The following ATG10 variants were observed in gnomAD, a reference collection of about 807,000 sequenced individuals.
ATG10 encodes the protein autophagy related 10.
Under a neutral mutation model 32.1 loss-of-function variants are expected in ATG10, and 30 were observed. That is an observed-to-expected ratio of 0.94 (90% CI 0.70 to 1.27). The LOEUF is 1.27. ATG10 is among the 50% of genes most tolerant of loss of function. The pLI is 0.00. For missense variants in ATG10, 233 were observed against 262.3 expected (o/e 0.89, Z 0.77); for synonymous variants, 87 against 91.5 (o/e 0.95, Z 0.28).
chr5:82,124,343 A>G (rs1163482488), intron 3 of ATG10, among the ~76,000 whole-genome samples: 1 of 150,754 alleles, frequency 6.6e-6, no homozygotes, highest in Non-Finnish European at 1.5e-5. Context: ...ATACATGTGC[A>G]GAACGTGCAG....
intron 1 of ATG10, among the ~76,000 whole-genome samples, chr5:81,975,493 C>A (rs146791955): frequency 1.0e-3 from 158 of 152,208 alleles, no homozygotes; most frequent in African/African-American, 3.7e-3. Context: ...CCAGCCTTGG[C>A]AACATTGCAA....
At chr5:82,154,454 C>A (rs1767733033) in intron 3 of ATG10, among the ~76,000 whole-genome samples, 1 of 152,126 alleles carries the variant, frequency 6.6e-6, no homozygotes, top group Admixed American at 6.5e-5. Flanking sequence ...TATACATTAT[C>A]TCATTTAATC....
chr5:82,225,752 C>T (rs1359677765), intron 5 of ATG10, among the ~76,000 whole-genome samples: 2 of 152,096 alleles, frequency 1.3e-5, no homozygotes, highest in Non-Finnish European at 2.9e-5. Context: ...GGATGGCTCT[C>T]TGGCGGTCTC....
chr5:82,159,240 G>T (rs1258682980), intron 3 of ATG10, among the ~76,000 whole-genome samples: 1 of 152,140 alleles, frequency 6.6e-6, no homozygotes, highest in Non-Finnish European at 1.5e-5. Flanking sequence ...ATCCCAGGAA[G>T]GTGGGATGGC....
chr5:82,034,690 A>G (rs2149719691), intron 2 of ATG10, among the ~76,000 whole-genome samples: 1 of 151,798 alleles, frequency 6.6e-6, no homozygotes, highest in Middle Eastern at 3.4e-3. Context: ...AGCCATCCTA[A>G]TATCCCTGCT....
intron 5 of ATG10, among the ~76,000 whole-genome samples, chr5:82,230,866 A>T (rs1469573234): frequency 6.6e-6 from 1 of 151,878 alleles, no homozygotes; most frequent in South Asian, 2.1e-4. Context: ...TATAAGGACT[A>T]TGTAAAATAT....
intron 4 of ATG10, among the ~76,000 whole-genome samples, chr5:82,168,027 A>G (rs1743649482): frequency 6.6e-6 from 1 of 152,192 alleles, no homozygotes. Flanking sequence ...ATAGTTTAGT[A>G]AATCCACTCC....
At chr5:82,083,681 C>A (rs1403903175) in intron 3 of ATG10, among the ~76,000 whole-genome samples, 1 of 152,216 alleles carries the variant, frequency 6.6e-6, no homozygotes, top group Non-Finnish European at 1.5e-5. Context: ...GCAATATTTG[C>A]TGTTCTGCAG....
intron 5 of ATG10, among the ~76,000 whole-genome samples, chr5:82,246,675 A>C (rs953330796): frequency 1.3e-5 from 2 of 152,024 alleles, no homozygotes; most frequent in African/African-American, 4.8e-5. Flanking sequence ...AGTGTTCATG[A>C]TTTTTGCTTA....
At chr5:82,119,984 T>TTGTGTGTGTGTG (rs5869106) in intron 3 of ATG10, among the ~76,000 whole-genome samples, 1 of 148,200 alleles carries the variant, frequency 6.7e-6, no homozygotes, top group Non-Finnish European at 1.5e-5. Context: ...CCACCATTTA[T>TTGTGTGTGTGTG]TGTGTGTGTG....
chr5:82,161,776 A>T (rs957803432), intron 3 of ATG10, among the ~76,000 whole-genome samples: 1 of 151,376 alleles, frequency 6.6e-6, no homozygotes, highest in South Asian at 2.1e-4. Context: ...AAGATGAACT[A>T]TTGAAATCAT....
intron 3 of ATG10, among the ~76,000 whole-genome samples, chr5:82,089,142 G>A (rs934928813): frequency 5.9e-5 from 9 of 151,928 alleles, no homozygotes; most frequent in Non-Finnish European, 1.0e-4. Flanking sequence ...ACCTTAGGTC[G>A]GGAGTTCGAG....
intron 2 of ATG10, among the ~76,000 whole-genome samples, chr5:82,002,953 G>A (rs1466236742): frequency 6.6e-6 from 1 of 151,986 alleles, no homozygotes; most frequent in African/African-American, 2.4e-5. Context: ...TCAAAAAAAC[G>A]AGAAAAAAAT....
At chr5:82,159,405 G>A (rs904000012) in intron 3 of ATG10, among the ~76,000 whole-genome samples, 1 of 152,138 alleles carries the variant, frequency 6.6e-6, no homozygotes, top group Non-Finnish European at 1.5e-5. Context: ...GAGCTAGGTG[G>A]CATTGGGTAA....
intron 2 of ATG10, among the ~76,000 whole-genome samples, chr5:82,014,485 A>G (rs1455824246): frequency 6.6e-6 from 1 of 152,138 alleles, no homozygotes; most frequent in Non-Finnish European, 1.5e-5. Flanking sequence ...TAGGTCTCTA[A>G]GGACTTGCTT....
At chr5:82,144,919 ATTTC>A (rs1767288318) in intron 3 of ATG10, among the ~76,000 whole-genome samples, 2 of 151,860 alleles carry the variant, frequency 1.3e-5, no homozygotes, top group Admixed American at 1.3e-4. Flanking sequence ...GGACTTGTCT[ATTTC>A]TTCTTTTAGT....
intron 3 of ATG10, among the ~76,000 whole-genome samples, chr5:82,086,195 A>C (rs1764684671): frequency 6.6e-6 from 1 of 150,566 alleles, no homozygotes; most frequent in South Asian, 2.1e-4. Flanking sequence ...AAAAATAATC[A>C]AGACATTATC....
At position 82,130,519 on chromosome 5, in the gene ATG10, TG is replaced by T. The variant is rs369326773; in HGVS notation, c.217-33877del. On this transcript the variant is annotated intron_variant, in intron 3 of 7. Transcript: ENST00000282185. ...CCTGGTCTGTGGGTTGCCAAGACCG[TG>T]GGAAGAGTGTAGTATCTGGGCCTGA... Among the ~76,000 whole-genome samples, 27 of 152,174 alleles carry T rather than the reference TG, an allele frequency of 1.8e-4. 1 individual carries two copies. In the South Asian group the frequency reaches 5.6e-3, roughly 32 times the overall value.
chr5:82,012,031 A>G (rs1762140626), intron 2 of ATG10, among the ~76,000 whole-genome samples: 1 of 152,114 alleles, frequency 6.6e-6, no homozygotes, highest in African/African-American at 2.4e-5. Flanking sequence ...ATGCTGCTGG[A>G]TGGCATATTT....
Sources: allele counts gnomAD v4.1 joint callset (sites outside exome capture counted in the v4.1 genomes callset), GRCh38; gene constraint gnomAD v4.1.1; transcripts MANE v1.5; gene names NCBI Gene and HGNC (gene_info 2026-07-23, HGNC 2026-07-21).